Variants in NKAIN2 observed in about 807,000 individuals in gnomAD.
NKAIN2 encodes sodium/potassium transporting ATPase interacting 2, also known as sodium/potassium-transporting ATPase subunit beta-1-interacting protein 2.
In NKAIN2, 14 loss-of-function variants were observed where a neutral mutation model predicts 32.6. The observed-to-expected ratio is 0.43, with a 90% CI of 0.28 to 0.67. The LOEUF (loss-of-function observed/expected upper bound fraction) is 0.67. Among genes scored for constraint, NKAIN2 ranks in the 30% least tolerant of loss-of-function variants. The probability of loss-of-function intolerance (pLI) is 0.17; values close to 1 mark genes in which losing one functional copy is unlikely to be tolerated. For missense variants in NKAIN2, 198 were observed against 258.3 expected (o/e 0.77, Z 1.60); for synonymous variants, 80 against 87.2 (o/e 0.92, Z 0.46).
chr6:123,899,505 C>T (rs1372834478), intron 1 of NKAIN2, among the ~76,000 whole-genome samples: 1 of 152,144 alleles, frequency 6.6e-6, no homozygotes, highest in Admixed American at 6.5e-5. Flanking sequence ...TGATAATTTA[C>T]CTCACAAGCC....
intron 1 of NKAIN2, among the ~76,000 whole-genome samples, chr6:124,088,446 C>T (rs1267337852): frequency 6.6e-6 from 1 of 151,884 alleles, no homozygotes; most frequent in African/African-American, 2.4e-5. Flanking sequence ...GCAAGGAGCT[C>T]AATGTGGAGA....
chr6:124,695,051 GTTT>G (rs1284012434), intron 4 of NKAIN2, among the ~76,000 whole-genome samples: 2 of 150,146 alleles, frequency 1.3e-5, no homozygotes, highest in Non-Finnish European at 3.0e-5. Flanking sequence ...CTTCCTCCTT[GTTT>G]TTTTATTGGA....
intron 4 of NKAIN2, among the ~76,000 whole-genome samples, chr6:124,776,994 T>C (rs573855603): frequency 6.6e-6 from 1 of 152,268 alleles, no homozygotes; most frequent in Non-Finnish European, 1.5e-5. Flanking sequence ...TTATCATTAA[T>C]AAAGAGAAAT....
At chr6:124,617,125 T>C (rs531456434) in intron 3 of NKAIN2, among the ~76,000 whole-genome samples, 1 of 152,332 alleles carries the variant, frequency 6.6e-6, no homozygotes, top group South Asian at 2.1e-4. Flanking sequence ...ATAGGGAGAA[T>C]AATATCTGTC....
chr6:123,840,646 C>G (rs1156812150), intron 1 of NKAIN2, among the ~76,000 whole-genome samples: 1 of 151,960 alleles, frequency 6.6e-6, no homozygotes, highest in Non-Finnish European at 1.5e-5. Context: ...GGTACTTGTC[C>G]TGTCTTGAAA....
chr6:124,439,840 C>T (rs144576465), intron 3 of NKAIN2, among the ~76,000 whole-genome samples: 1 of 152,102 alleles, frequency 6.6e-6, no homozygotes, highest in African/African-American at 2.4e-5. Context: ...CTGGTCCCCG[C>T]ACTTCATCTC....
chr6:124,634,849 C>A (rs1158244198), intron 3 of NKAIN2, among the ~76,000 whole-genome samples: 1 of 151,794 alleles, frequency 6.6e-6, no homozygotes, highest in African/African-American at 2.4e-5. Flanking sequence ...AACAAACAAA[C>A]AAACAAAATT....
chr6:124,441,533 C>T (rs1345944078), intron 3 of NKAIN2, among the ~76,000 whole-genome samples: 1 of 152,036 alleles, frequency 6.6e-6, no homozygotes, highest in African/African-American at 2.4e-5. Context: ...TCTTTAGAGT[C>T]CACCACTATG....
chr6:124,134,785 C>G (rs1786650614), intron 1 of NKAIN2, among the ~76,000 whole-genome samples: 1 of 152,110 alleles, frequency 6.6e-6, no homozygotes, highest in East Asian at 1.9e-4. Context: ...ATACAAGAAG[C>G]TCAGAGAACT....
At chr6:124,395,554 T>C (rs1469817770) in intron 3 of NKAIN2, among the ~76,000 whole-genome samples, 1 of 152,172 alleles carries the variant, frequency 6.6e-6, no homozygotes, top group Admixed American at 6.5e-5. Flanking sequence ...TACTCATGGA[T>C]GTCTCTAATA....
intron 1 of NKAIN2, among the ~76,000 whole-genome samples, chr6:124,010,832 G>A (rs551648076): frequency 1.8e-4 from 28 of 152,186 alleles, no homozygotes; most frequent in African/African-American, 6.5e-4. Context: ...AAACTGTGTG[G>A]TGGTGATTTT....
chr6:124,809,855 T>C (rs75585160), intron 5 of NKAIN2, among the ~76,000 whole-genome samples: 28,640 of 151,914 alleles, frequency 0.19, 3,546 homozygotes, highest in East Asian at 0.58. Context: ...AAAGAAGACA[T>C]TTATACAACC....
intron 4 of NKAIN2, among the ~76,000 whole-genome samples, chr6:124,723,693 A>G (rs573636075): frequency 1.6e-4 from 24 of 152,348 alleles, no homozygotes; most frequent in African/African-American, 5.8e-4. Flanking sequence ...TTTTTACTGT[A>G]AGTAAGAAAC....
intron 1 of NKAIN2, among the ~76,000 whole-genome samples, chr6:124,157,984 A>G (rs1049056358): frequency 1.3e-5 from 2 of 152,206 alleles, no homozygotes; most frequent in African/African-American, 4.8e-5. Context: ...GTTTTGTGCA[A>G]AAGTCTAAAT....
At chr6:124,608,219 T>C (rs576046385) in intron 3 of NKAIN2, among the ~76,000 whole-genome samples, 4 of 152,160 alleles carry the variant, frequency 2.6e-5, no homozygotes, top group Non-Finnish European at 5.9e-5. Flanking sequence ...CCATGTTGTT[T>C]GTTTTTCTTC....
intron 1 of NKAIN2, among the ~76,000 whole-genome samples, chr6:124,225,915 G>T (rs1024464278): frequency 5.3e-5 from 8 of 151,934 alleles, no homozygotes; most frequent in Non-Finnish European, 8.8e-5. Flanking sequence ...GGTCTATTTT[G>T]CTCTTTGTAC....
chr6:124,286,643 TG>T (rs1487522608), intron 2 of NKAIN2, among the ~76,000 whole-genome samples: 1 of 51,502 alleles, frequency 1.9e-5, no homozygotes, highest in Non-Finnish European at 3.4e-5. Flanking sequence ...TTTGGAAAAT[TG>T]TGTGTGTGTG....
intron 4 of NKAIN2, among the ~76,000 whole-genome samples, chr6:124,703,669 A>G (rs1774911182): frequency 6.6e-6 from 1 of 152,028 alleles, no homozygotes; most frequent in African/African-American, 2.4e-5. Context: ...CCTAGTCATA[A>G]AGGTTGATGC....
At chr6:124,144,221 A>G (rs1787278240) in intron 1 of NKAIN2, among the ~76,000 whole-genome samples, 1 of 152,216 alleles carries the variant, frequency 6.6e-6, no homozygotes, top group African/African-American at 2.4e-5. Context: ...TATTCTAGAA[A>G]TTCCTAAAGA....
Sources: allele counts gnomAD v4.1 joint callset (sites outside exome capture counted in the v4.1 genomes callset), GRCh38; gene constraint gnomAD v4.1.1; transcripts MANE v1.5; gene names NCBI Gene and HGNC (gene_info 2026-07-23, HGNC 2026-07-21).